FKBP5: variants seen among roughly 807,000 people sequenced by gnomAD.
FKBP5 encodes FKBP prolyl isomerase 5, also known as peptidyl-prolyl cis-trans isomerase FKBP5.
Under a neutral mutation model 50.5 loss-of-function variants are expected in FKBP5, and 23 were observed. That is an observed-to-expected ratio of 0.46 (90% CI 0.33 to 0.65). The LOEUF is 0.65. FKBP5 is among the 30% of genes least tolerant of loss of function. The pLI, the probability that FKBP5 is intolerant of heterozygous loss-of-function variation, is 0.02. For missense variants in FKBP5, 411 were observed against 553.1 expected (o/e 0.74, Z 2.58); for synonymous variants, 176 against 190.6 (o/e 0.92, Z 0.63).
intron 9 of FKBP5, among the ~76,000 whole-genome samples, chr6:35,579,597 A>G (rs1434109312): frequency 2.6e-5 from 4 of 152,192 alleles, no homozygotes; most frequent in African/African-American, 2.4e-5. Context: ...TTATTTATGC[A>G]TATCAGTGAA....
At position 35,574,280 on chromosome 6, in the gene FKBP5, G is replaced by T. The variant is rs1461551824; in HGVS notation, c.*1555C>A. 6.6e-6 allele frequency: 1 copy of T among 152,126 alleles called. No homozygotes were observed. Among genetic ancestry groups the T allele is most frequent in the Non-Finnish European group, 1.5e-5 (1 of 68,004 alleles). 9.4% of individuals were successfully genotyped at this position (152,126 alleles called of 1,614,324 possible). ...AGGGGGTCCCAATCTAATAATAAAAGTCTTTTGATAAAACCATCATAAAAA... is the reference window on the plus strand; with the variant it reads ...AGGGGGTCCCAATCTAATAATAAAATTCTTTTGATAAAACCATCATAAAAA... On this transcript the variant is annotated 3_prime_UTR_variant, in exon 11 of 11. Coordinates refer to ENST00000357266, the MANE Select transcript of FKBP5 (RefSeq NM_004117.4).
intron 3 of FKBP5, 29 bp from the exon 4 acceptor site, chr6:35,620,303 C>T: frequency 6.3e-7 from 1 of 1,594,422 alleles, no homozygotes. Flanking sequence ...TAGTTGAAAG[C>T]TATAAGCCCT....
intron 1 of FKBP5, among the ~76,000 whole-genome samples, chr6:35,680,049 C>T (rs1268352033): frequency 6.6e-6 from 1 of 151,766 alleles, no homozygotes; most frequent in African/African-American, 2.4e-5. Context: ...TCTGGTTAGC[C>T]CTCCAGTTAC....
rs932033759 is a variant in FKBP5 at position 35,581,028 on chromosome 6, G to A, written c.841-807C>T. 4 of 980,106 alleles carry A rather than the reference G, an allele frequency of 4.1e-6. No homozygotes were observed. In the African/African-American group the frequency reaches 7.0e-5, roughly 17 times the overall value. 60.7% of individuals were successfully genotyped at this position (980,106 alleles called of 1,614,324 possible). A position where few individuals can be genotyped will look rare whatever the true frequency, so the allele number is the denominator to read the frequency against. On this transcript the variant is annotated intron_variant, in intron 8 of 10. Transcript: ENST00000357266. ...AACTACTAAATTCTTATCATTTGTA[G>A]TGCAAAAGCTGCTCTAGACAGTATG... is the stretch of plus-strand genomic sequence containing the variant.
At chr6:35,601,289 C>T (rs1171193012) in intron 5 of FKBP5, among the ~76,000 whole-genome samples, 2 of 152,150 alleles carry the variant, frequency 1.3e-5, no homozygotes, top group Admixed American at 6.6e-5. Flanking sequence ...TGACAACATT[C>T]GGAATGTCAG....
In FKBP5 at chr6:35,712,042, T is replaced by TAAAA. The variant is rs71002597; in HGVS notation, c.-20+8282_-20+8285dup. Among the ~76,000 whole-genome samples, 130 of 128,254 alleles carry TAAAA rather than the reference T, an allele frequency of 1.0e-3. No individual in the cohort carries two copies. The East Asian group carries it at 0.02, about 20-fold the overall frequency. 84.1% of individuals were successfully genotyped at this position (128,254 alleles called of 152,430 possible). A position where few individuals can be genotyped will look rare whatever the true frequency, so the allele number is the denominator to read the frequency against. Reference sequence around the variant, plus strand: ...GTGTGTACAATCGCACTGGGCTAATTAAAAAAAAAAAAAAAAAAGTAGAAA... The same window carrying TAAAA: ...GTGTGTACAATCGCACTGGGCTAATTAAAAAAAAAAAAAAAAAAAAAAGTAGAAA... On this transcript the variant is annotated intron_variant, in intron 2 of 11. Transcript: ENST00000536438.
At chr6:35,608,801 TTTATTA>T (rs746723343) in intron 5 of FKBP5, among the ~76,000 whole-genome samples, 26 of 151,960 alleles carry the variant, frequency 1.7e-4, no homozygotes, top group African/African-American at 5.3e-4. Flanking sequence ...TTATTATTGT[TTTATTA>T]TTATTATTAT....
intron 1 of FKBP5, among the ~76,000 whole-genome samples, chr6:35,728,195 G>A (rs181279692): frequency 6.0e-4 from 91 of 152,248 alleles, no homozygotes; most frequent in African/African-American, 2.1e-3. Context: ...AAGTGGGTGT[G>A]CTCGCTCACC....
At chr6:35,654,134 T>C (rs973707814) in intron 1 of FKBP5, among the ~76,000 whole-genome samples, 1 of 152,218 alleles carries the variant, frequency 6.6e-6, no homozygotes, top group South Asian at 2.1e-4. Flanking sequence ...ACAAACAGTG[T>C]GGTTTATCAT....
intron 5 of FKBP5, among the ~76,000 whole-genome samples, chr6:35,617,100 G>C (rs1046094213): frequency 6.6e-6 from 1 of 151,918 alleles, no homozygotes; most frequent in African/African-American, 2.4e-5. Flanking sequence ...TCCTAGTCTG[G>C]AGCTATTTCC....
rs550878351 is a variant in FKBP5, at chr6:35,666,394, T to TAAAA, written c.-20+22406_-20+22409dup. On this transcript the variant is annotated intron_variant, in intron 1 of 10. Coordinates refer to ENST00000357266, the MANE Select transcript of FKBP5 (RefSeq NM_004117.4). ...CATGCAGAAACACTACTATTATAGTTAAAAAAAAAAAAAAAAAAAAAAAAA... is the reference window on the plus strand; with the variant it reads ...CATGCAGAAACACTACTATTATAGTTAAAAAAAAAAAAAAAAAAAAAAAAAAAAA... Among the ~76,000 whole-genome samples, 50 of 33,250 alleles carry TAAAA rather than the reference T, an allele frequency of 1.5e-3. 4 individuals carry two copies. The highest frequency in any genetic ancestry group is 6.1e-3 in the East Asian group (5 of 824). The allele number at this position is 33,250 out of a possible 152,430, so 21.8% of individuals were successfully genotyped here.
At chr6:35,593,390 A>G (rs536812070) in intron 6 of FKBP5, among the ~76,000 whole-genome samples, 2 of 152,268 alleles carry the variant, frequency 1.3e-5, no homozygotes, top group African/African-American at 4.8e-5. Flanking sequence ...GCTCTTACCA[A>G]TTGCTCCCTT....
At chr6:35,581,112 C>A (rs1447914539) in intron 8 of FKBP5, 1 of 961,514 alleles carries the variant, frequency 1.0e-6, no homozygotes, top group Non-Finnish European at 1.2e-6. Flanking sequence ...CAGGCAGGGA[C>A]CAGATTTGGC....
At chr6:35,701,550 T>C (rs1372042193) in intron 2 of FKBP5, among the ~76,000 whole-genome samples, 1 of 151,578 alleles carries the variant, frequency 6.6e-6, no homozygotes, top group South Asian at 2.1e-4. Context: ...GCCTGTTTGT[T>C]TGTTTTTTGA....
At position 35,584,682 on chromosome 6, in the gene FKBP5, C is replaced by T. The variant is rs1405327285; in HGVS notation, c.840+2352G>A. On this transcript the variant is annotated intron_variant, in intron 8 of 10. Coordinates refer to ENST00000357266, the MANE Select transcript of FKBP5 (RefSeq NM_004117.4). ...GCCTCCAGGGAAGTTTTTAGTGGTA[C>T]AAAATGTTCAGAGACATTCTGGGAG... is the stretch of plus-strand genomic sequence containing the variant. 4.1e-6 allele frequency: 4 copies of T among 985,328 alleles called. No homozygotes were observed. In the African/African-American group the frequency reaches 5.2e-5, roughly 13 times the overall value. 61.0% of individuals were successfully genotyped at this position (985,328 alleles called of 1,614,324 possible).
chr6:35,643,455 A>T (rs9394307), intron 1 of FKBP5, among the ~76,000 whole-genome samples: 43,610 of 152,072 alleles, frequency 0.29, 6,985 homozygotes, highest in Middle Eastern at 0.45. Context: ...TATCATCATT[A>T]TTGGGCCTTC....
rs181549024 is a variant in FKBP5 at position 35,582,121 on chromosome 6, C to T, written c.841-1900G>A. ...GGCCTGGGTGTGAATGAGGGCCAGG[C>T]TACATCCCTCGAACATCCTTCTTCC... is the stretch of plus-strand genomic sequence containing the variant. On this transcript the variant is annotated intron_variant, in intron 8 of 10. Coordinates refer to ENST00000357266, the MANE Select transcript of FKBP5 (RefSeq NM_004117.4). The T allele has an allele frequency of 1.1e-4, 112 of 985,332 alleles. No individual in the cohort carries two copies. The African/African-American group carries it at 1.8e-3, about 16-fold the overall frequency. The allele number at this position is 985,332 out of a possible 1,614,324, so 61.0% of individuals were successfully genotyped here. A position where few individuals can be genotyped will look rare whatever the true frequency, so the allele number is the denominator to read the frequency against.
rs1421300129 is a variant in FKBP5, at chr6:35,618,839, C to T, written c.508+257G>A. 3.3e-5 allele frequency among the ~76,000 whole-genome samples: 5 copies of T among 152,056 alleles called. No homozygotes were observed. In the East Asian group the frequency reaches 7.7e-4, roughly 24 times the overall value. On this transcript the variant is annotated intron_variant, in intron 5 of 10. Coordinates refer to ENST00000357266, the MANE Select transcript of FKBP5 (RefSeq NM_004117.4). Reference sequence around the variant, plus strand: ...CCTCCCGAGTAGCTGGGAATACAGGCGTGCACCACCACACCTGGCTAGTTT... The same window carrying T: ...CCTCCCGAGTAGCTGGGAATACAGGTGTGCACCACCACACCTGGCTAGTTT...
intron 7 of FKBP5, among the ~76,000 whole-genome samples, chr6:35,590,551 G>A (rs1762783840): frequency 6.6e-6 from 1 of 152,054 alleles, no homozygotes; most frequent in Non-Finnish European, 1.5e-5. Flanking sequence ...TGGAATCCAA[G>A]GCAACTGACA....
Sources: gnomAD v4.1 joint callset for allele counts (sites outside exome capture counted in the v4.1 genomes callset) on GRCh38, gnomAD v4.1.1 for gene constraint, MANE v1.5 for transcripts, NCBI Gene and HGNC (gene_info 2026-07-23, HGNC 2026-07-21) for gene names.